Variants in CDH12 observed in about 807,000 individuals in gnomAD.
CDH12 encodes cadherin-12.
Under a neutral mutation model 74.1 loss-of-function variants are expected in CDH12, and 41 were observed. That is an observed-to-expected ratio of 0.55 (90% CI 0.43 to 0.72). The LOEUF (loss-of-function observed/expected upper bound fraction) is 0.72. Among genes scored for constraint, CDH12 ranks in the 30% least tolerant of loss-of-function variants. The pLI is 0.00. For synonymous variants in CDH12, 399 were observed against 355.0 expected, an observed-to-expected ratio of 1.12 and a Z score of -1.39; for missense variants, 945 against 977.2, an observed-to-expected ratio of 0.97 and a Z score of 0.44.
At chr5:22,081,871 AAT>A (rs1742752556) in intron 4 of CDH12, among the ~76,000 whole-genome samples, 4 of 152,198 alleles carry the variant, frequency 2.6e-5, no homozygotes, top group African/African-American at 9.6e-5. Context: ...ATTGTGCTAG[AAT>A]ATGTGTCTAT....
Position 21,882,375 on chromosome 5 carries a change from A to G in CDH12, c.527-27585T>C, listed in dbSNP as rs534810580. Among the ~76,000 whole-genome samples, 11 of 152,340 alleles carry G rather than the reference A, an allele frequency of 7.2e-5. No individual in the cohort carries two copies. The East Asian group carries it at 2.1e-3, about 29-fold the overall frequency. ...TTTTATTACTTTATCAGTATTTCAA[A>G]TTGATTTTTAAATCAGAAAAAAACA... On this transcript the variant is annotated intron_variant, in intron 6 of 14. Coordinates refer to ENST00000382254, the MANE Select transcript of CDH12 (RefSeq NM_004061.5).
chr5:22,300,432 T>A (rs1397158619), intron 3 of CDH12, among the ~76,000 whole-genome samples: 1 of 152,140 alleles, frequency 6.6e-6, no homozygotes, highest in African/African-American at 2.4e-5. Context: ...AAATTATATT[T>A]CCCCTTAAAT....
At chr5:22,335,269 A>G (rs1739524721) in intron 3 of CDH12, among the ~76,000 whole-genome samples, 1 of 152,070 alleles carries the variant, frequency 6.6e-6, no homozygotes, top group South Asian at 2.1e-4. Flanking sequence ...CCCGTGGGAG[A>G]TGATTGAATC....
At chr5:22,354,406 C>A (rs1033795546) in intron 3 of CDH12, among the ~76,000 whole-genome samples, 1 of 152,154 alleles carries the variant, frequency 6.6e-6, no homozygotes, top group Non-Finnish European at 1.5e-5. Context: ...TCAGTAGGTT[C>A]AGGGAGCTGC....
chr5:21,848,920 G>T (rs1242873642), intron 7 of CDH12, among the ~76,000 whole-genome samples: 1 of 151,584 alleles, frequency 6.6e-6, no homozygotes, highest in African/African-American at 2.4e-5. Context: ...TGATCTACTT[G>T]ATTCATCTTA....
At chr5:21,783,530 A>G in intron 10 of CDH12, 36 bp from the exon 11 acceptor site, 1 of 1,537,396 alleles carries the variant, frequency 6.5e-7, no homozygotes, top group Non-Finnish European at 9.0e-7. Context: ...ATGTGCAATG[A>G]TTACACATTA....
chr5:22,567,871 G>C (rs940045580), intron 1 of CDH12, among the ~76,000 whole-genome samples: 1 of 152,152 alleles, frequency 6.6e-6, no homozygotes, highest in Non-Finnish European at 1.5e-5. Context: ...TAACACACCT[G>C]TCCATATAGC....
At chr5:22,822,111 G>A (rs1749733615) in intron 1 of CDH12, among the ~76,000 whole-genome samples, 2 of 152,146 alleles carry the variant, frequency 1.3e-5, no homozygotes, top group Non-Finnish European at 2.9e-5. Flanking sequence ...TGACAAATCT[G>A]ACAAAAACAA....
chr5:22,408,647 AAT>A (rs1261588453), intron 2 of CDH12, among the ~76,000 whole-genome samples: 1 of 151,018 alleles, frequency 6.6e-6, no homozygotes, highest in Non-Finnish European at 1.5e-5. Context: ...GCATTATATT[AAT>A]ATATTAATTG....
chr5:22,545,926 T>TTTGTTGTTG (rs57476797), intron 1 of CDH12, among the ~76,000 whole-genome samples: 2 of 151,336 alleles, frequency 1.3e-5, no homozygotes, highest in East Asian at 2.0e-4. Context: ...TGTCTAGATT[T>TTTGTTGTTG]TTGTTGTTGT....
intron 1 of CDH12, among the ~76,000 whole-genome samples, chr5:22,622,955 C>G (rs569404954): frequency 5.6e-4 from 85 of 152,262 alleles, no homozygotes; most frequent in African/African-American, 1.9e-3. Flanking sequence ...AGCAGCACAT[C>G]AAAAAGCTTA....
chr5:22,355,173 T>G (rs370984498), intron 3 of CDH12, among the ~76,000 whole-genome samples: 1,793 of 52,360 alleles, frequency 0.034, 37 homozygotes, highest in African/African-American at 0.064. Flanking sequence ...TCATAATGAC[T>G]GTCATTACTA....
chr5:21,807,849 G>T (rs956977614), intron 9 of CDH12, among the ~76,000 whole-genome samples: 25 of 152,052 alleles, frequency 1.6e-4, no homozygotes, highest in African/African-American at 6.0e-4. Context: ...GGAAAAATAA[G>T]TTGTGCATAT....
intron 1 of CDH12, among the ~76,000 whole-genome samples, chr5:22,629,901 C>T (rs932037745): frequency 1.3e-5 from 2 of 151,952 alleles, no homozygotes; most frequent in East Asian, 1.9e-4. Context: ...ATAAAAAAAC[C>T]TCAGCAAAAT....
intron 5 of CDH12, among the ~76,000 whole-genome samples, chr5:22,005,466 A>G (rs1277436949): frequency 3.3e-5 from 5 of 152,086 alleles, no homozygotes; most frequent in Non-Finnish European, 7.4e-5. Flanking sequence ...TTTTATAAAA[A>G]TGATTCCTTT....
intron 1 of CDH12, among the ~76,000 whole-genome samples, chr5:22,662,659 G>A (rs1334958688): frequency 6.6e-6 from 1 of 152,196 alleles, no homozygotes; most frequent in South Asian, 2.1e-4. Flanking sequence ...CTTGAATGCT[G>A]TCAATTAGTA....
At chr5:21,880,604 C>T (rs796607236) in intron 6 of CDH12, among the ~76,000 whole-genome samples, 98 of 56,000 alleles carry the variant, frequency 1.8e-3, no homozygotes, top group East Asian at 3.9e-3. Flanking sequence ...TCCTTCCTTC[C>T]TTCCTTCCTT....
chr5:22,297,076 C>T (rs1471811715), intron 3 of CDH12, among the ~76,000 whole-genome samples: 1 of 151,972 alleles, frequency 6.6e-6, no homozygotes, highest in Non-Finnish European at 1.5e-5. Context: ...GGCTGGAGTG[C>T]AATGGCTGCA....
chr5:21,817,229 A>C, intron 8 of CDH12, 97 bp from the exon 9 acceptor site: 1 of 761,034 alleles, frequency 1.3e-6, no homozygotes, highest in Non-Finnish European at 2.1e-6. Context: ...AAAGTAAATC[A>C]CATTTAGAAC....
Sources: allele counts gnomAD v4.1 joint callset (sites outside exome capture counted in the v4.1 genomes callset), GRCh38; gene constraint gnomAD v4.1.1; transcripts MANE v1.5; gene names NCBI Gene and HGNC (gene_info 2026-07-23, HGNC 2026-07-21).